NOSTRIN: variants seen among roughly 807,000 people sequenced by gnomAD.
NOSTRIN encodes the protein BM247 homolog.
Under a neutral mutation model 59.0 loss-of-function variants are expected in NOSTRIN, and 63 were observed. The ratio of observed to expected loss-of-function variants is 1.07; its 90% CI spans 0.87 to 1.32. NOSTRIN has a LOEUF of 1.32. NOSTRIN is among the 40% of genes most tolerant of loss of function. The pLI is 0.00. For missense variants in NOSTRIN, 512 were observed against 473.1 expected (o/e 1.08, Z -0.76); for synonymous variants, 200 against 165.4 (o/e 1.21, Z -1.61).
At chr2:168,819,641 C>A (rs1021990346) in intron 2 of NOSTRIN, among the ~76,000 whole-genome samples, 1 of 152,270 alleles carries the variant, frequency 6.6e-6, no homozygotes, top group Non-Finnish European at 1.5e-5. Context: ...TTCCTTCTGT[C>A]TTGCAGAGTA....
At chr2:168,813,581 G>A (rs1686256247) in intron 2 of NOSTRIN, among the ~76,000 whole-genome samples, 1 of 152,022 alleles carries the variant, frequency 6.6e-6, no homozygotes, top group Admixed American at 6.6e-5. Flanking sequence ...ACCTATTAAT[G>A]TGTGAAACCC....
intron 8 of NOSTRIN, 78 bp downstream of exon 8, chr2:168,843,195 A>G (rs1425707608): frequency 1.3e-6 from 1 of 787,098 alleles, no homozygotes; most frequent in Non-Finnish European, 2.2e-6. Context: ...GATTACAGTG[A>G]CAAGACCTGC....
At chr2:168,836,055 C>T (rs1449796609) in intron 7 of NOSTRIN, among the ~76,000 whole-genome samples, 1 of 152,196 alleles carries the variant, frequency 6.6e-6, no homozygotes, top group African/African-American at 2.4e-5. Context: ...TCACCAGTAG[C>T]TCTTTCATCT....
intron 7 of NOSTRIN, among the ~76,000 whole-genome samples, chr2:168,836,651 C>CCT (rs1687738738): frequency 6.6e-6 from 1 of 152,174 alleles, no homozygotes; most frequent in Middle Eastern, 3.2e-3. Flanking sequence ...ACACCTCCAT[C>CCT]CACACACTCC....
intron 13 of NOSTRIN, 120 bp from the exon 14 acceptor site, chr2:168,860,669 TAAAAAA>T: frequency 3.6e-6 from 2 of 553,258 alleles, no homozygotes. Flanking sequence ...AGACTCTGTC[TAAAAAA>T]AAAAAAGAAA....
At chr2:168,836,537 G>A (rs2105682849) in intron 7 of NOSTRIN, among the ~76,000 whole-genome samples, 1 of 152,290 alleles carries the variant, frequency 6.6e-6, no homozygotes, top group South Asian at 2.1e-4. Context: ...AAGCGCTCAT[G>A]ATCACCTGAG....
chr2:168,824,752 C>G lies in NOSTRIN; in HGVS notation c.197+35C>G, dbSNP rs201323452. 1.9e-4 allele frequency: 145 copies of G among 763,364 alleles called. 1 individual carries two copies. In the South Asian group the frequency reaches 2.0e-3, roughly 11 times the overall value. The allele number at this position is 763,364 out of a possible 1,614,324, so 47.3% of individuals were successfully genotyped here. A position where few individuals can be genotyped will look rare whatever the true frequency, so the allele number is the denominator to read the frequency against. ...GTGGCAGAGGTAAGGCAAAATCAACCCTTTTTTTATTTGTTTTTTGTTTGT... is the reference window on the plus strand; with the variant it reads ...GTGGCAGAGGTAAGGCAAAATCAACGCTTTTTTTATTTGTTTTTTGTTTGT... On this transcript the variant is annotated intron_variant, in intron 3 of 15. Transcript: ENST00000317647.
upstream of NOSTRIN, among the ~76,000 whole-genome samples, chr2:168,797,111 GTCTC>G (rs900288620): frequency 9.8e-6 from 1 of 101,908 alleles, no homozygotes; most frequent in Admixed American, 1.3e-4. Context: ...TGGAGACAAG[GTCTC>G]TCTCTGTCAC....
intron 15 of NOSTRIN, among the ~76,000 whole-genome samples, chr2:168,864,270 C>G (rs1689701228): frequency 1.7e-5 from 2 of 117,890 alleles, no homozygotes; most frequent in Admixed American, 1.8e-4. Flanking sequence ...AGCCACCGTG[C>G]CTGGCTGTGA....
rs779151642 is a variant in NOSTRIN, at chr2:168,861,935, C to G, written c.1295-25C>G. The G allele has an allele frequency of 3.7e-6, 6 of 1,607,330 alleles. No individual in the cohort carries two copies. In the South Asian group the frequency reaches 6.6e-5, roughly 18 times the overall value. ...TTCATTTGCCTGCTAACACAGCATA[C>G]TAATTACAGCTTTATCTATTTCAGC... On this transcript the variant is annotated intron_variant, in intron 14 of 15. Transcript: ENST00000317647.
chr2:168,863,042 C>T (rs181123881), intron 15 of NOSTRIN, among the ~76,000 whole-genome samples: 5 of 152,104 alleles, frequency 3.3e-5, no homozygotes, highest in Admixed American at 2.6e-4. Context: ...AGACATACTT[C>T]CCAGATGCCA....
intron 8 of NOSTRIN, among the ~76,000 whole-genome samples, chr2:168,843,789 T>C (rs1688233508): frequency 6.6e-6 from 1 of 152,242 alleles, no homozygotes; most frequent in Non-Finnish European, 1.5e-5. Flanking sequence ...TTTAATGATA[T>C]TTAGTGAAAC....
intron 7 of NOSTRIN, 132 bp from the exon 8 acceptor site, chr2:168,842,860 A>G (rs934025483): frequency 4.5e-6 from 3 of 666,802 alleles, no homozygotes; most frequent in African/African-American, 3.6e-5. Flanking sequence ...TTTGTCAACT[A>G]TAGTCACTGT....
chr2:168,843,032 A>AG lies in NOSTRIN; in HGVS notation c.547dup (p.Glu183GlyfsTer3). On this transcript the variant is annotated frameshift_variant, in exon 8 of 16. Transcript: ENST00000317647. LOFTEE classifies it high-confidence loss of function. ...ACAAAATCAACTGAAAAGTTGGAAA[A>AG]GGAAGATGAAAATTACTACCAAAAA... 1.1e-6 allele frequency: 1 copy of AG among 872,692 alleles called. No individual in the cohort carries two copies. Among genetic ancestry groups the AG allele is most frequent in the South Asian group, 1.3e-5 (1 of 76,468 alleles). The allele number at this position is 872,692 out of a possible 1,614,324, so 54.1% of individuals were successfully genotyped here.
chr2:168,846,497 C>T (rs759279446), intron 8 of NOSTRIN, among the ~76,000 whole-genome samples: 45 of 152,152 alleles, frequency 3.0e-4, no homozygotes, highest in Non-Finnish European at 5.9e-4. Context: ...TGTAAAGCCT[C>T]AAATGTGACT....
At chr2:168,807,899 C>T (rs557076094) in intron 1 of NOSTRIN, among the ~76,000 whole-genome samples, 1 of 152,246 alleles carries the variant, frequency 6.6e-6, no homozygotes, top group East Asian at 1.9e-4. Context: ...ACCTGGTAGC[C>T]CATGGGTCAA....
In NOSTRIN at chr2:168,857,173, C is replaced by T. The variant is rs151279892; in HGVS notation, c.1053+395C>T. On this transcript the variant is annotated intron_variant, in intron 12 of 15. Transcript: ENST00000317647. ...CTGGGTCAACTTTAGTTTTCTCATC[C>T]GCAAAATGGGGATATTGGTACTTTA... 3.8e-3 allele frequency among the ~76,000 whole-genome samples: 573 copies of T among 152,242 alleles called. 2 individuals are homozygous for T. Among genetic ancestry groups the T allele is most frequent in the Non-Finnish European group, 6.1e-3 (417 of 68,016 alleles).
chr2:168,858,902 T>C (rs1405249661), intron 12 of NOSTRIN, among the ~76,000 whole-genome samples: 1 of 152,234 alleles, frequency 6.6e-6, no homozygotes, highest in Non-Finnish European at 1.5e-5. Flanking sequence ...AAGGTAATTA[T>C]AAAGTTTCTA....
At chr2:168,809,406 A>G (rs1473061608) in intron 1 of NOSTRIN, among the ~76,000 whole-genome samples, 3 of 152,102 alleles carry the variant, frequency 2.0e-5, no homozygotes, top group East Asian at 1.9e-4. Context: ...TCAAAGGGGG[A>G]GGGAGGCTGA....
Sources: allele counts gnomAD v4.1 joint callset (sites outside exome capture counted in the v4.1 genomes callset), GRCh38; gene constraint gnomAD v4.1.1; transcripts MANE v1.5; gene names NCBI Gene and HGNC (gene_info 2026-07-23, HGNC 2026-07-21).